Variants in SHB observed in about 807,000 individuals in gnomAD.
The protein encoded by SHB is SH2 domain containing adaptor protein B.
SHB carries 20 observed loss-of-function variants against 52.3 expected under a neutral mutation model. The observed-to-expected ratio is 0.38, with a 90% CI of 0.27 to 0.56. The LOEUF (loss-of-function observed/expected upper bound fraction) is 0.56. SHB is among the 20% of genes least tolerant of loss of function. The pLI, the probability that SHB is intolerant of heterozygous loss-of-function variation, is 0.71. For synonymous variants in SHB, 397 were observed against 316.5 expected, an observed-to-expected ratio of 1.25 and a Z score of -2.70; for missense variants, 825 against 723.3, an observed-to-expected ratio of 1.14 and a Z score of -1.61.
At chr9:37,933,278 C>T (rs534359624) in intron 5 of SHB, among the ~76,000 whole-genome samples, 1 of 152,340 alleles carries the variant, frequency 6.6e-6, no homozygotes, top group South Asian at 2.1e-4. Context: ...CCCTGAAGTC[C>T]ACTGAAAGCT....
In SHB at chr9:38,068,708, G is replaced by T. The variant is rs998498490; in HGVS notation, c.-63C>A. On this transcript the variant is annotated 5_prime_UTR_variant, in exon 1 of 6. Coordinates refer to ENST00000377707, the MANE Select transcript of SHB (RefSeq NM_003028.3). The stretch of plus-strand genomic sequence containing the variant: ...GTCCGCCGCCGCGGCCATTCGGGGG[G>T]CAGCGCTGCGGCGCAGGTCCCTCGG... 8.4e-7 allele frequency: 1 copy of T among 1,192,438 alleles called. No homozygotes were observed. Among genetic ancestry groups the T allele is most frequent in the South Asian group, 3.3e-5 (1 of 30,524 alleles). 73.9% of individuals were successfully genotyped at this position (1,192,438 alleles called of 1,614,324 possible). A position where few individuals can be genotyped will look rare whatever the true frequency, so the allele number is the denominator to read the frequency against.
chr9:37,974,913 C>T, intron 2 of SHB, 76 bp from the exon 3 acceptor site: 1 of 1,267,292 alleles, frequency 7.9e-7, no homozygotes, highest in South Asian at 1.2e-5. Flanking sequence ...CCAGAAACAC[C>T]ACAAACTCAG....
At chr9:37,968,962 A>G (rs1820562874) in intron 3 of SHB, among the ~76,000 whole-genome samples, 2 of 152,138 alleles carry the variant, frequency 1.3e-5, no homozygotes, top group African/African-American at 4.8e-5. Flanking sequence ...AGACCAACCC[A>G]TGGGATGGCG....
intron 2 of SHB, among the ~76,000 whole-genome samples, chr9:38,014,542 C>T (rs1821185647): frequency 1.3e-5 from 2 of 152,366 alleles, no homozygotes; most frequent in Admixed American, 1.3e-4. Context: ...CCTCAGGACC[C>T]CAGATCCAAA....
chr9:38,031,464 C>G (rs1002214002), intron 1 of SHB, among the ~76,000 whole-genome samples: 1 of 152,186 alleles, frequency 6.6e-6, no homozygotes, highest in Non-Finnish European at 1.5e-5. Context: ...CCTAACCGTC[C>G]ATTTTTCTAA....
chr9:38,019,678 G>T (rs1437388430), intron 1 of SHB, among the ~76,000 whole-genome samples: 1 of 152,170 alleles, frequency 6.6e-6, no homozygotes, highest in Non-Finnish European at 1.5e-5. Flanking sequence ...GGGTAACTTT[G>T]GGCAGAATCC....
chr9:37,944,665 T>A (rs1208782090), intron 5 of SHB, among the ~76,000 whole-genome samples: 1 of 152,140 alleles, frequency 6.6e-6, no homozygotes, highest in Non-Finnish European at 1.5e-5. Context: ...TGCACGTCAG[T>A]GGCCCCATCA....
At chr9:37,945,762 G>T (rs892918803) in intron 5 of SHB, among the ~76,000 whole-genome samples, 1 of 152,176 alleles carries the variant, frequency 6.6e-6, no homozygotes. Flanking sequence ...CCCTCACCTG[G>T]GAGGTGCAGG....
At chr9:37,924,124 G>C (rs1038511027) in intron 5 of SHB, among the ~76,000 whole-genome samples, 2 of 152,242 alleles carry the variant, frequency 1.3e-5, no homozygotes, top group Non-Finnish European at 2.9e-5. Flanking sequence ...GTCTCTGGTG[G>C]GTGACCTGTC....
At chr9:37,959,598 A>T (rs1212513204) in intron 3 of SHB, among the ~76,000 whole-genome samples, 2 of 152,194 alleles carry the variant, frequency 1.3e-5, no homozygotes, top group Non-Finnish European at 2.9e-5. Context: ...TACAATCGAC[A>T]TCCCGACACA....
chr9:37,947,493 C>T (rs1035234701), intron 5 of SHB, among the ~76,000 whole-genome samples: 3 of 152,244 alleles, frequency 2.0e-5, no homozygotes, highest in South Asian at 4.1e-4. Context: ...GTCCCCACCC[C>T]GTGTCCACAT....
intron 3 of SHB, among the ~76,000 whole-genome samples, chr9:37,960,991 T>G (rs1421538888): frequency 6.6e-6 from 1 of 152,196 alleles, no homozygotes; most frequent in East Asian, 1.9e-4. Context: ...TGGCAGGAGC[T>G]GGGCCTCATT....
chr9:37,926,799 C>A (rs1832255989), intron 5 of SHB, among the ~76,000 whole-genome samples: 1 of 152,230 alleles, frequency 6.6e-6, no homozygotes. Context: ...ACCTGGGCTA[C>A]CTCCTTACAG....
At chr9:38,048,829 T>G (rs1206208524) in intron 1 of SHB, among the ~76,000 whole-genome samples, 1 of 152,160 alleles carries the variant, frequency 6.6e-6, no homozygotes, top group Non-Finnish European at 1.5e-5. Context: ...TTTTGCCAAA[T>G]GTTTTAGGTG....
chr9:38,004,221 G>A (rs1009846980), intron 2 of SHB, among the ~76,000 whole-genome samples: 1 of 152,212 alleles, frequency 6.6e-6, no homozygotes, highest in Non-Finnish European at 1.5e-5. Context: ...AAGGGCATGA[G>A]AGCACAGGGC....
chr9:38,068,210 C>A lies in SHB; in HGVS notation c.436G>T (p.Ala146Ser), dbSNP rs78289037. 2.9e-6 allele frequency: 4 copies of A among 1,395,786 alleles called. No individual in the cohort carries two copies. The highest frequency in any genetic ancestry group is 1.5e-5 in the African/African-American group (1 of 65,778). The allele number at this position is 1,395,786 out of a possible 1,614,324, so 86.5% of individuals were successfully genotyped here. The change falls in exon 1 of 6, where the codon GCG (alanine) becomes TCG (serine). Residue 146 changes from alanine (A) to serine (S), a missense_variant. Transcript: ENST00000377707. ...AAGCCCASSG[A>S]GAAASSSSSS... ...GAGGACGAGGACGCGGCGGCCCCCG[C>A]GCCCGAGGAGGCGCAGCAACAGCCC...
chr9:38,052,194 C>A (rs1821759763), intron 1 of SHB, among the ~76,000 whole-genome samples: 1 of 152,076 alleles, frequency 6.6e-6, no homozygotes, highest in African/African-American at 2.4e-5. Context: ...ACCCCCAGAA[C>A]ACACACAGCC....
intron 2 of SHB, among the ~76,000 whole-genome samples, chr9:37,979,799 A>C (rs1261704216): frequency 1.3e-5 from 2 of 152,118 alleles, no homozygotes; most frequent in African/African-American, 4.8e-5. Context: ...TCTACTAATA[A>C]TACAAAAATT....
intron 4 of SHB, among the ~76,000 whole-genome samples, chr9:37,950,744 T>C (rs185422993): frequency 2.6e-4 from 39 of 152,302 alleles, no homozygotes; most frequent in Non-Finnish European, 5.0e-4. Flanking sequence ...TGTGGGAATG[T>C]AACAAGTGGC....
Sources: gnomAD v4.1 joint callset for allele counts (sites outside exome capture counted in the v4.1 genomes callset) on GRCh38, gnomAD v4.1.1 for gene constraint, MANE v1.5 for transcripts, NCBI Gene and HGNC (gene_info 2026-07-23, HGNC 2026-07-21) for gene names.